Variants in P2RY14 observed in about 807,000 individuals in gnomAD.
The protein encoded by P2RY14 is purinergic receptor P2Y14.
A neutral mutation model predicts 0.9 loss-of-function variants in P2RY14; 2 were observed. The ratio of observed to expected loss-of-function variants is 2.16; its 90% CI spans 0.88 to 6.79. The LOEUF (loss-of-function observed/expected upper bound fraction) is 6.79. Among genes scored for constraint, P2RY14 ranks in the 30% most tolerant of loss-of-function variants. The pLI, the probability that P2RY14 is intolerant of heterozygous loss-of-function variation, is 0.05. For missense variants in P2RY14, 378 were observed against 400.1 expected (o/e 0.94, Z 0.47); for synonymous variants, 158 against 147.2 (o/e 1.07, Z -0.53).
chr3:151,265,943 C>T (rs553680502), intron 1 of P2RY14, among the ~76,000 whole-genome samples: 3 of 152,140 alleles, frequency 2.0e-5, no homozygotes, highest in Middle Eastern at 3.2e-3. Flanking sequence ...AGGGCATCAG[C>T]GCTGGGCAAG....
At chr3:151,217,200 C>T (rs58321514) in intron 2 of P2RY14, among the ~76,000 whole-genome samples, 2 of 152,136 alleles carry the variant, frequency 1.3e-5, no homozygotes, top group East Asian at 3.8e-4. Flanking sequence ...GTAGAAGCCA[C>T]TATTTATAGA....
At chr3:151,233,687 C>T (rs927991346) in intron 1 of P2RY14, among the ~76,000 whole-genome samples, 1 of 152,168 alleles carries the variant, frequency 6.6e-6, no homozygotes, top group Non-Finnish European at 1.5e-5. Flanking sequence ...GAGCCGAGAT[C>T]GTGCCATTGC....
chr3:151,251,669 A>G (rs777777375), intron 1 of P2RY14, among the ~76,000 whole-genome samples: 6 of 152,184 alleles, frequency 3.9e-5, no homozygotes, highest in African/African-American at 7.2e-5. Flanking sequence ...GCAACACTCA[A>G]TTGTTTGAAC....
chr3:151,233,823 G>A (rs747418538), intron 1 of P2RY14, among the ~76,000 whole-genome samples: 7 of 152,176 alleles, frequency 4.6e-5, no homozygotes, highest in Non-Finnish European at 7.3e-5. Context: ...TCTGCCATCC[G>A]CCTTTCTCCG....
chr3:151,252,691 A>G (rs1737072256), intron 1 of P2RY14, among the ~76,000 whole-genome samples: 1 of 152,206 alleles, frequency 6.6e-6, no homozygotes, highest in Non-Finnish European at 1.5e-5. Flanking sequence ...TTGAAGGCTT[A>G]TGATGCATGC....
rs145841412 is a variant in P2RY14, at chr3:151,254,688, C to T, written c.-133+23599G>A. On this transcript the variant is annotated intron_variant, in intron 1 of 2. Transcript: ENST00000309170. ...ATGTTTATGCATATGATAAAACTTT[C>T]GCAGCATAGATGCTTCTTAGCATTA... Among the ~76,000 whole-genome samples the T allele has an allele frequency of 5.1e-3, 781 of 152,246 alleles. 11 individuals carry two copies. Among genetic ancestry groups the T allele is most frequent in the African/African-American group, 0.017 (727 of 41,548 alleles).
At chr3:151,265,684 G>A (rs1357249726) in intron 1 of P2RY14, among the ~76,000 whole-genome samples, 2 of 152,132 alleles carry the variant, frequency 1.3e-5, no homozygotes, top group Non-Finnish European at 2.9e-5. Flanking sequence ...CTGGCTTCTG[G>A]CAGTCCTCAT....
At chr3:151,219,404 G>A (rs1348312258) in intron 2 of P2RY14, 131 bp downstream of exon 2, 1 of 152,096 alleles carries the variant, frequency 6.6e-6, no homozygotes, top group African/African-American at 2.4e-5. Flanking sequence ...TTTTCCTCTT[G>A]TATTAGAACA....
chr3:151,215,982 C>T (rs1559889187), intron 2 of P2RY14, among the ~76,000 whole-genome samples: 1 of 152,180 alleles, frequency 6.6e-6, no homozygotes, highest in Admixed American at 6.5e-5. Flanking sequence ...CTCAGCTTAG[C>T]TGTCACTTTC....
At chr3:151,247,893 A>G (rs1330003699) in intron 1 of P2RY14, among the ~76,000 whole-genome samples, 3 of 150,758 alleles carry the variant, frequency 2.0e-5, no homozygotes, top group African/African-American at 7.3e-5. Context: ...GTGTTCTTAT[A>G]ATGTATTCAG....
At chr3:151,251,541 G>A (rs982981711) in intron 1 of P2RY14, among the ~76,000 whole-genome samples, 2 of 152,142 alleles carry the variant, frequency 1.3e-5, no homozygotes, top group South Asian at 4.1e-4. Context: ...GCAGCACTGT[G>A]TCCCTTTTGT....
intron 1 of P2RY14, among the ~76,000 whole-genome samples, chr3:151,272,224 A>C (rs1026910265): frequency 4.6e-5 from 7 of 152,244 alleles, no homozygotes; most frequent in African/African-American, 1.7e-4. Context: ...TTGAAGATGC[A>C]AAGAGGTAAA....
intron 1 of P2RY14, among the ~76,000 whole-genome samples, chr3:151,258,237 C>A (rs1738195444): frequency 6.6e-6 from 1 of 152,178 alleles, no homozygotes. Flanking sequence ...CTAGCTCGGG[C>A]ATAATCAAGT....
At chr3:151,227,631 T>C (rs1477609847) in intron 1 of P2RY14, among the ~76,000 whole-genome samples, 1 of 152,180 alleles carries the variant, frequency 6.6e-6, no homozygotes, top group Non-Finnish European at 1.5e-5. Context: ...AGGTGTGGCA[T>C]AGGCACCTCA....
intron 1 of P2RY14, among the ~76,000 whole-genome samples, chr3:151,277,952 C>T (rs1439359741): frequency 2.0e-5 from 3 of 152,176 alleles, no homozygotes; most frequent in Admixed American, 6.5e-5. Context: ...AATTTTAATA[C>T]ACATTTACGA....
chr3:151,246,104 C>T (rs1351126669), intron 1 of P2RY14, among the ~76,000 whole-genome samples: 1 of 151,966 alleles, frequency 6.6e-6, no homozygotes, highest in Admixed American at 6.6e-5. Context: ...CAAACCACTG[C>T]TCAAGGAAAT....
At chr3:151,217,741 C>T (rs143406658) in intron 2 of P2RY14, among the ~76,000 whole-genome samples, 1 of 152,076 alleles carries the variant, frequency 6.6e-6, no homozygotes, top group African/African-American at 2.4e-5. Flanking sequence ...AAGAGAAATT[C>T]CAAGATACTC....
intron 1 of P2RY14, among the ~76,000 whole-genome samples, chr3:151,223,832 A>C (rs1729912067): frequency 6.6e-6 from 1 of 152,198 alleles, no homozygotes; most frequent in African/African-American, 2.4e-5. Flanking sequence ...GTAACTGTTG[A>C]ACCTAAAAGA....
At chr3:151,275,506 A>G (rs1286254860) in intron 1 of P2RY14, among the ~76,000 whole-genome samples, 1 of 152,234 alleles carries the variant, frequency 6.6e-6, no homozygotes, top group Non-Finnish European at 1.5e-5. Context: ...TTTCAAAGGA[A>G]TCTAATCAGA....
Sources: allele counts gnomAD v4.1 joint callset (sites outside exome capture counted in the v4.1 genomes callset), GRCh38; gene constraint gnomAD v4.1.1; transcripts MANE v1.5; gene names NCBI Gene and HGNC (gene_info 2026-07-23, HGNC 2026-07-21).